Variants in AXDND1 observed in about 807,000 individuals in gnomAD.
AXDND1 encodes axonemal dynein light chain domain containing 1.
In AXDND1, 110 loss-of-function variants were observed where a neutral mutation model predicts 137.5. That is an observed-to-expected ratio of 0.80 (90% CI 0.69 to 0.94). The LOEUF (loss-of-function observed/expected upper bound fraction) is 0.94. Among genes scored for constraint, AXDND1 ranks in the 40% least tolerant of loss-of-function variants. AXDND1 has a pLI of 0.00. For missense variants in AXDND1, 1,191 were observed against 1,169.8 expected (o/e 1.02, Z -0.26); for synonymous variants, 414 against 399.7 (o/e 1.04, Z -0.43).
intron 19 of AXDND1, among the ~76,000 whole-genome samples, chr1:179,492,446 AAAAC>A (rs1395416071): frequency 3.8e-5 from 4 of 103,970 alleles, no homozygotes; most frequent in Non-Finnish European, 8.5e-5. Flanking sequence ...AAGAAAAAAA[AAAAC>A]AACAACCCAC....
At chr1:179,533,947 C>T in intron 24 of AXDND1, 70 bp downstream of exon 24, 2 of 1,367,256 alleles carry the variant, frequency 1.5e-6, no homozygotes, top group South Asian at 2.4e-5. Flanking sequence ...GAGAAATTCA[C>T]ACTTTTTGGC....
At chr1:179,392,180 G>A (rs892259959) in intron 9 of AXDND1, among the ~76,000 whole-genome samples, 4 of 152,042 alleles carry the variant, frequency 2.6e-5, no homozygotes, top group African/African-American at 7.3e-5. Flanking sequence ...TTATGCCTTC[G>A]CATCCTCATA....
intron 4 of AXDND1, among the ~76,000 whole-genome samples, chr1:179,372,677 AATT>A (rs997319028): frequency 1.3e-5 from 2 of 151,866 alleles, no homozygotes; most frequent in South Asian, 2.1e-4. Flanking sequence ...ACATATCTCT[AATT>A]ATTATTATTA....
At chr1:179,397,701 C>A (rs1335591955) in intron 11 of AXDND1, among the ~76,000 whole-genome samples, 2 of 152,134 alleles carry the variant, frequency 1.3e-5, no homozygotes, top group Non-Finnish European at 2.9e-5. Context: ...TCTTTTTTCT[C>A]TATTCTTGTC....
At chr1:179,495,130 T>G (rs1336039391) in intron 20 of AXDND1, among the ~76,000 whole-genome samples, 1 of 152,216 alleles carries the variant, frequency 6.6e-6, no homozygotes, top group Non-Finnish European at 1.5e-5. Flanking sequence ...AGTTTTAAAA[T>G]CAGGTAATAT....
intron 12 of AXDND1, among the ~76,000 whole-genome samples, chr1:179,429,009 C>A (rs971475170): frequency 6.6e-6 from 1 of 152,016 alleles, no homozygotes; most frequent in African/African-American, 2.4e-5. Context: ...AACCTCATCT[C>A]TACTAAAAAT....
chr1:179,534,595 G>T, intron 24 of AXDND1, 135 bp from the exon 25 acceptor site: 31 of 1,085,678 alleles, frequency 2.9e-5, no homozygotes, highest in Admixed American at 3.6e-5. Context: ...GTTAATCATT[G>T]ATGCTGTTGC....
intron 8 of AXDND1, among the ~76,000 whole-genome samples, chr1:179,383,888 C>G (rs551269528): frequency 6.6e-6 from 1 of 152,158 alleles, no homozygotes; most frequent in Admixed American, 6.5e-5. Context: ...CTAAAAAACA[C>G]TGCCAGGTAT....
intron 17 of AXDND1, among the ~76,000 whole-genome samples, chr1:179,472,835 T>C (rs1380421580): frequency 6.6e-6 from 1 of 152,180 alleles, no homozygotes; most frequent in East Asian, 1.9e-4. Context: ...GTGGTTACTG[T>C]TACATATCTT....
intron 21 of AXDND1, among the ~76,000 whole-genome samples, chr1:179,514,734 A>G (rs1448861544): frequency 6.6e-6 from 1 of 152,124 alleles, no homozygotes; most frequent in African/African-American, 2.4e-5. Context: ...TGTTTTACAA[A>G]TTTGGGAGCA....
intron 15 of AXDND1, 112 bp from the exon 16 acceptor site, chr1:179,444,858 G>C: frequency 1.6e-6 from 1 of 637,806 alleles, no homozygotes; most frequent in African/African-American, 1.8e-5. Flanking sequence ...AATAATAATA[G>C]GATATGCAAC....
At chr1:179,370,199 G>A (rs6666358) in intron 4 of AXDND1, 121 bp downstream of exon 4, 559,998 of 747,300 alleles carry the variant, frequency 0.75, 212,609 homozygotes, top group Non-Finnish European at 0.79. Context: ...AAAATTTACA[G>A]TATCTTTGAA....
intron 9 of AXDND1, among the ~76,000 whole-genome samples, chr1:179,387,454 A>G (rs1035501464): frequency 4.6e-5 from 7 of 152,210 alleles, no homozygotes; most frequent in African/African-American, 1.4e-4. Flanking sequence ...CACGACTTAA[A>G]CACCTCCTGA....
intron 16 of AXDND1, among the ~76,000 whole-genome samples, chr1:179,465,729 G>A (rs1663053776): frequency 2.0e-5 from 3 of 152,250 alleles, no homozygotes; most frequent in Non-Finnish European, 4.4e-5. Context: ...GATGGAGTCT[G>A]CAGAGGCAGG....
rs572541391 is a variant in AXDND1 at position 179,505,152 on chromosome 1, C to T, written c.2389-4144C>T. Among the ~76,000 whole-genome samples, 39 of 152,342 alleles carry T rather than the reference C, an allele frequency of 2.6e-4. 1 individual carries two copies. The South Asian group carries it at 7.9e-3, about 31-fold the overall frequency. ...ACTTTGGGATTTCTATGGCCTCATC[C>T]ACATCCCACAAGGTGAAAAGAAGAT... On this transcript the variant is annotated intron_variant, in intron 20 of 25. Coordinates refer to ENST00000367618, the MANE Select transcript of AXDND1 (RefSeq NM_144696.6).
chr1:179,439,973 C>T (rs371292975), intron 15 of AXDND1, among the ~76,000 whole-genome samples: 21 of 152,196 alleles, frequency 1.4e-4, no homozygotes, highest in East Asian at 5.8e-4. Context: ...TGCAGATATC[C>T]GTAACATTTT....
chr1:179,538,082 T>G (rs1370766927), intron 25 of AXDND1, among the ~76,000 whole-genome samples: 1 of 152,190 alleles, frequency 6.6e-6, no homozygotes, highest in Non-Finnish European at 1.5e-5. Flanking sequence ...ATCTTCTCTC[T>G]TTTCTTCTTT....
chr1:179,375,214 T>G (rs1369896040), intron 4 of AXDND1, among the ~76,000 whole-genome samples: 1 of 151,814 alleles, frequency 6.6e-6, no homozygotes, highest in East Asian at 1.9e-4. Context: ...TTCTCCTGCC[T>G]CAGCCTCCCG....
chr1:179,415,061 G>T (rs913147712), intron 12 of AXDND1, among the ~76,000 whole-genome samples: 25 of 152,316 alleles, frequency 1.6e-4, no homozygotes, highest in African/African-American at 6.0e-4. Flanking sequence ...TTAGATTTCG[G>T]CTGGGCGTGA....
Sources: allele counts gnomAD v4.1 joint callset (sites outside exome capture counted in the v4.1 genomes callset), GRCh38; gene constraint gnomAD v4.1.1; transcripts MANE v1.5; gene names NCBI Gene and HGNC (gene_info 2026-07-23, HGNC 2026-07-21).